XPO4: variants seen among roughly 807,000 people sequenced by gnomAD.
XPO4 encodes the protein exportin 4, also known as exportin-4.
In XPO4, 39 loss-of-function variants were observed where a neutral mutation model predicts 143.0. That is an observed-to-expected ratio of 0.27 (90% CI 0.21 to 0.36). The LOEUF is 0.36. Among genes scored for constraint, XPO4 ranks in the 10% least tolerant of loss-of-function variants. The probability of loss-of-function intolerance (pLI) is 1.00; values close to 1 mark genes in which losing one functional copy is unlikely to be tolerated. For missense variants in XPO4, 907 were observed against 1,348.0 expected, an observed-to-expected ratio of 0.67 and a Z score of 5.12; for synonymous variants, 439 against 474.0, an observed-to-expected ratio of 0.93 and a Z score of 0.96.
At chr13:20,792,695 TGG>T (rs1261087651) in intron 18 of XPO4, among the ~76,000 whole-genome samples, 16 of 118,644 alleles carry the variant, frequency 1.3e-4, no homozygotes, top group Non-Finnish European at 2.5e-4. Context: ...CACTCCAGCC[TGG>T]GCAACAAAAG....
chr13:20,836,387 AAACAC>A (rs2059917329), intron 6 of XPO4, among the ~76,000 whole-genome samples: 2 of 152,160 alleles, frequency 1.3e-5, no homozygotes, highest in Non-Finnish European at 2.9e-5. Context: ...TTTGCTTTCC[AAACAC>A]TCCTTGCCTT....
intron 1 of XPO4, among the ~76,000 whole-genome samples, chr13:20,882,685 T>C (rs2060423738): frequency 6.6e-6 from 1 of 152,016 alleles, no homozygotes; most frequent in African/African-American, 2.4e-5. Flanking sequence ...GTCAGGAGTT[T>C]GGGACCAGCC....
intron 3 of XPO4, chr13:20,857,960 T>G (rs1477049335): frequency 4.1e-6 from 4 of 985,066 alleles, no homozygotes; most frequent in Non-Finnish European, 4.8e-6. Flanking sequence ...TACACATTAT[T>G]TATGTAATAG....
At chr13:20,859,212 T>C (rs549643867) in intron 3 of XPO4, among the ~76,000 whole-genome samples, 1 of 151,914 alleles carries the variant, frequency 6.6e-6, no homozygotes, top group African/African-American at 2.4e-5. Context: ...CTCACACCTG[T>C]AATCCCAGCA....
At chr13:20,878,068 G>A (rs2060369856) in intron 1 of XPO4, among the ~76,000 whole-genome samples, 1 of 152,062 alleles carries the variant, frequency 6.6e-6, no homozygotes, top group Non-Finnish European at 1.5e-5. Flanking sequence ...GTGGTAGCAC[G>A]CACCTGCAGT....
chr13:20,870,044 G>A (rs2060279939), intron 1 of XPO4, among the ~76,000 whole-genome samples: 1 of 142,148 alleles, frequency 7.0e-6, no homozygotes, highest in Non-Finnish European at 1.5e-5. Context: ...AGGTTGCAGT[G>A]AGCTGATATG....
Position 20,783,642 on chromosome 13 carries a change from T to C in XPO4, c.*80A>G, listed in dbSNP as rs1051106161. 22 of 1,479,696 alleles carry C rather than the reference T, an allele frequency of 1.5e-5. 1 individual carries two copies. In the South Asian group the frequency reaches 2.2e-4, roughly 15 times the overall value. The allele number at this position is 1,479,696 out of a possible 1,614,324, so 91.7% of individuals were successfully genotyped here. A position where few individuals can be genotyped will look rare whatever the true frequency, so the allele number is the denominator to read the frequency against. On this transcript the variant is annotated 3_prime_UTR_variant, in exon 23 of 23. Transcript: ENST00000255305. ...CAAAATGGCCAAATGAACTGAGGAA[T>C]AGGACAAGACTCAAGTCAACTTTCA... is the stretch of plus-strand genomic sequence containing the variant.
At position 20,796,837 on chromosome 13, in the gene XPO4, G is replaced by T. The variant is rs760822844; in HGVS notation, c.2543C>A (p.Thr848Asn). The T allele has an allele frequency of 1.2e-5, 19 of 1,614,038 alleles. No individual in the cohort carries two copies. Among genetic ancestry groups the T allele is most frequent in the Non-Finnish European group, 1.6e-5 (19 of 1,179,982 alleles). The change falls in exon 17 of 23, where the codon ACC becomes AAC. Residue 848 changes from threonine to asparagine, a missense_variant. Transcript: ENST00000255305. ...CIGLMEVYKN[T>N]PETVNLIIEV... ...TATAATGAGATTGACAGTCTCTGGG[G>T]TATTCTTGTAAACTTCCATCAATCC...
At chr13:20,787,753 G>C (rs1024092326) in intron 20 of XPO4, among the ~76,000 whole-genome samples, 155 bp from the exon 21 acceptor site, 33 of 152,316 alleles carry the variant, frequency 2.2e-4, no homozygotes, top group Non-Finnish European at 4.3e-4. Context: ...AGTTATATAA[G>C]GAAAGAAGAT....
At chr13:20,857,350 G>GC (rs1468068161) in intron 3 of XPO4, among the ~76,000 whole-genome samples, 3 of 152,152 alleles carry the variant, frequency 2.0e-5, no homozygotes, top group Non-Finnish European at 4.4e-5. Context: ...CTTACTATAT[G>GC]CAAGAATTTA....
intron 1 of XPO4, among the ~76,000 whole-genome samples, chr13:20,897,559 TC>T (rs2060581573): frequency 1.3e-5 from 2 of 152,168 alleles, no homozygotes; most frequent in Admixed American, 1.3e-4. Context: ...CTTTCTCCAC[TC>T]CTTGAAAAGA....
rs1051856750 is a variant in XPO4 at position 20,800,878 on chromosome 13, G to A, written c.1930C>T (p.Arg644Cys). ...ACCAGGAGATAAGTCTTTGCCCAGC[G>A]TTTTAAAAACCAAACAATATCTTTG... ...MGKDIVWFLK[R>C]WAKTYLLVDE... The change falls in exon 14 of 23, where the codon CGC becomes TGC. Residue 644 changes from arginine to cysteine, a missense_variant. Physicochemically the swap from Arg to Cys is radical, Grantham distance 180. Transcript: ENST00000255305. 23 of 1,613,820 alleles carry A rather than the reference G, an allele frequency of 1.4e-5. No individual in the cohort carries two copies. Among genetic ancestry groups the A allele is most frequent in the African/African-American group, 5.3e-5 (4 of 74,910 alleles).
intron 2 of XPO4, among the ~76,000 whole-genome samples, chr13:20,866,897 C>T (rs2060249154): frequency 6.6e-6 from 1 of 152,200 alleles, no homozygotes; most frequent in Non-Finnish European, 1.5e-5. Context: ...AACTAGTGTA[C>T]AATGACACTG....
intron 19 of XPO4, among the ~76,000 whole-genome samples, chr13:20,789,993 A>T (rs1247588586): frequency 6.6e-6 from 1 of 152,200 alleles, no homozygotes; most frequent in Non-Finnish European, 1.5e-5. Flanking sequence ...ACTTTAAAAC[A>T]GCATCAGTCT....
At chr13:20,839,047 T>G (rs1332280511) in intron 6 of XPO4, among the ~76,000 whole-genome samples, 1 of 152,056 alleles carries the variant, frequency 6.6e-6, no homozygotes, top group Non-Finnish European at 1.5e-5. Context: ...GCAGATCACT[T>G]GAGGACAGGA....
intron 1 of XPO4, among the ~76,000 whole-genome samples, chr13:20,879,514 A>T (rs965065354): frequency 6.6e-6 from 1 of 152,236 alleles, no homozygotes; most frequent in Non-Finnish European, 1.5e-5. Context: ...GTACCTAGGC[A>T]CTTGGAGGAA....
At chr13:20,835,561 T>G (rs1340558873) in intron 6 of XPO4, among the ~76,000 whole-genome samples, 1 of 152,184 alleles carries the variant, frequency 6.6e-6, no homozygotes, top group African/African-American at 2.4e-5. Flanking sequence ...ATTTTCTTTC[T>G]GAAATCCTGA....
At chr13:20,878,919 A>G (rs987290260) in intron 1 of XPO4, among the ~76,000 whole-genome samples, 4 of 152,214 alleles carry the variant, frequency 2.6e-5, no homozygotes, top group African/African-American at 7.2e-5. Flanking sequence ...TGGGCCTTCT[A>G]TTCTCGATAG....
chr13:20,833,179 C>T (rs558529540), intron 6 of XPO4, among the ~76,000 whole-genome samples: 17 of 152,004 alleles, frequency 1.1e-4, no homozygotes, highest in South Asian at 8.3e-4. Context: ...TACTTCTGAA[C>T]GGGCTTCTTT....
Sources: allele counts gnomAD v4.1 joint callset (sites outside exome capture counted in the v4.1 genomes callset), GRCh38; gene constraint gnomAD v4.1.1; transcripts MANE v1.5; gene names NCBI Gene and HGNC (gene_info 2026-07-23, HGNC 2026-07-21).